The following FKBP5 variants were observed in gnomAD, a reference collection of about 807,000 sequenced individuals.
FKBP5 encodes peptidyl-prolyl cis-trans isomerase FKBP5.
A neutral mutation model predicts 50.5 loss-of-function variants in FKBP5; 23 were observed. That is an observed-to-expected ratio of 0.46 (90% confidence interval 0.33 to 0.65). The LOEUF (loss-of-function observed/expected upper bound fraction) is 0.65, where lower values mean the gene tolerates loss of function less well. Among genes scored for constraint, FKBP5 ranks in the 30% least tolerant of loss-of-function variants. FKBP5 has a pLI of 0.02. For missense variants in FKBP5, 411 were observed against 553.1 expected, an observed-to-expected ratio of 0.74 and a Z score of 2.58; for synonymous variants, 176 against 190.6, an observed-to-expected ratio of 0.92 and a Z score of 0.63.
At chr6:35,680,390 A>G (rs1026285445) in intron 1 of FKBP5, among the ~76,000 whole-genome samples, 15 of 152,248 alleles carry the variant, frequency 9.9e-5, no homozygotes, top group African/African-American at 3.6e-4. Flanking sequence ...TGATCGCACT[A>G]CTGCACTCCA....
intron 2 of FKBP5, among the ~76,000 whole-genome samples, chr6:35,719,195 C>A (rs781433499): frequency 7.9e-5 from 12 of 152,166 alleles, no homozygotes; most frequent in Non-Finnish European, 1.5e-4. Context: ...TGAGGCCTCC[C>A]TTTCATGTTA....
intron 1 of FKBP5, among the ~76,000 whole-genome samples, chr6:35,677,452 A>G (rs1765558580): frequency 6.6e-6 from 1 of 152,180 alleles, no homozygotes; most frequent in South Asian, 2.1e-4. Flanking sequence ...CTTCAAATAA[A>G]CCCAAAGAAA....
At chr6:35,590,491 C>T (rs1762782002) in intron 7 of FKBP5, among the ~76,000 whole-genome samples, 1 of 152,118 alleles carries the variant, frequency 6.6e-6, no homozygotes, top group African/African-American at 2.4e-5. Context: ...TGCTGGGAGC[C>T]TCCAGAGTGA....
intron 1 of FKBP5, among the ~76,000 whole-genome samples, chr6:35,643,231 T>A (rs1027271565): frequency 6.6e-6 from 1 of 152,174 alleles, no homozygotes; most frequent in African/African-American, 2.4e-5. Context: ...AGTGACAATA[T>A]ATCAATCACA....
At chr6:35,602,434 T>C (rs1258535988) in intron 5 of FKBP5, among the ~76,000 whole-genome samples, 2 of 152,044 alleles carry the variant, frequency 1.3e-5, no homozygotes, top group Admixed American at 1.3e-4. Context: ...AATGTTGTAA[T>C]GGCATTACTA....
At chr6:35,720,256 A>AAT (rs1340416754) in intron 2 of FKBP5, 1 of 152,612 alleles carries the variant, frequency 6.6e-6, no homozygotes, top group Non-Finnish European at 1.5e-5. Context: ...ATGGGTGGGG[A>AAT]GGGGTCTCTG....
chr6:35,598,953 C>A (rs1291822082), intron 5 of FKBP5, among the ~76,000 whole-genome samples: 1 of 151,694 alleles, frequency 6.6e-6, no homozygotes, highest in African/African-American at 2.4e-5. Context: ...CCAGCCTGGG[C>A]AACAGAGGGA....
chr6:35,590,790 G>A (rs1053634623), intron 7 of FKBP5, among the ~76,000 whole-genome samples: 9 of 151,028 alleles, frequency 6.0e-5, no homozygotes, highest in Non-Finnish European at 1.2e-4. Flanking sequence ...TTGGCAGAAC[G>A]TGAACCTTTC....
upstream of FKBP5, among the ~76,000 whole-genome samples, chr6:35,692,821 C>T (rs976421911): frequency 6.0e-5 from 9 of 149,262 alleles, no homozygotes; most frequent in Non-Finnish European, 8.9e-5. Flanking sequence ...AGAGAATACA[C>T]GGTAGAGTGG....
intron 7 of FKBP5, among the ~76,000 whole-genome samples, chr6:35,589,442 T>A (rs1312375526): frequency 6.6e-6 from 1 of 152,152 alleles, no homozygotes; most frequent in Non-Finnish European, 1.5e-5. Flanking sequence ...CCTAGTCTAT[T>A]CTTAACAAGG....
intron 1 of FKBP5, among the ~76,000 whole-genome samples, chr6:35,677,412 G>C (rs972845230): frequency 2.6e-5 from 4 of 152,176 alleles, no homozygotes; most frequent in African/African-American, 9.7e-5. Context: ...TCTTGGTCAG[G>C]AAATATGAGA....
chr6:35,639,434 A>G (rs753643519), intron 2 of FKBP5, among the ~76,000 whole-genome samples: 126 of 152,282 alleles, frequency 8.3e-4, no homozygotes, highest in African/African-American at 2.2e-3. Context: ...AAGCCTAAAA[A>G]TCTTGCAATT....
intron 2 of FKBP5, among the ~76,000 whole-genome samples, chr6:35,715,771 A>G (rs4711429): frequency 0.77 from 116,590 of 152,240 alleles, 45,287 homozygotes; most frequent in African/African-American, 0.91. Flanking sequence ...GGGAGCCTGT[A>G]AAGGGCTCTA....
At chr6:35,685,408 G>A (rs1023931801) in intron 1 of FKBP5, among the ~76,000 whole-genome samples, 7 of 151,864 alleles carry the variant, frequency 4.6e-5, no homozygotes, top group African/African-American at 4.8e-5. Context: ...ATACTTTTGG[G>A]GATATGATGT....
intron 2 of FKBP5, among the ~76,000 whole-genome samples, chr6:35,715,172 T>C (rs1561907766): frequency 6.6e-6 from 1 of 152,188 alleles, no homozygotes; most frequent in African/African-American, 2.4e-5. Flanking sequence ...AGTGCTGGGA[T>C]TACAGGTGTG....
chr6:35,585,406 T>TAACA (rs1322842209), intron 8 of FKBP5: 24 of 983,890 alleles, frequency 2.4e-5, no homozygotes, highest in Non-Finnish European at 2.8e-5. Context: ...ACCAAAAAAA[T>TAACA]AACACTTGTT....
At chr6:35,669,035 C>A (rs750127215) in intron 1 of FKBP5, among the ~76,000 whole-genome samples, 2 of 152,090 alleles carry the variant, frequency 1.3e-5, no homozygotes, top group Non-Finnish European at 2.9e-5. Context: ...ATGCAATTAA[C>A]TTTTCAAAAA....
intron 1 of FKBP5, among the ~76,000 whole-genome samples, chr6:35,677,689 T>G (rs929523014): frequency 6.6e-6 from 1 of 152,226 alleles, no homozygotes; most frequent in Non-Finnish European, 1.5e-5. Flanking sequence ...GCTGAGTGAT[T>G]TGGCAATCTT....
At chr6:35,674,118 T>C (rs1348458010) in intron 1 of FKBP5, among the ~76,000 whole-genome samples, 6 of 152,080 alleles carry the variant, frequency 3.9e-5, no homozygotes, top group African/African-American at 9.7e-5. Context: ...GAGGAAACAC[T>C]AGCAGAAACC....
Sources: allele counts gnomAD v4.1 joint callset (sites outside exome capture counted in the v4.1 genomes callset), GRCh38; gene constraint gnomAD v4.1.1; transcripts MANE v1.5; gene names NCBI Gene and HGNC (gene_info 2026-07-23, HGNC 2026-07-21).